Variants in TRPC6 observed in about 807,000 individuals in gnomAD.
TRPC6 encodes transient receptor potential cation channel subfamily C member 6.
In TRPC6, 55 loss-of-function variants were observed where a neutral mutation model predicts 90.7. That is an observed-to-expected ratio of 0.61 (90% CI 0.49 to 0.76). TRPC6 has a LOEUF of 0.76. Ranked by LOEUF, TRPC6 falls within the 30% of genes least tolerant of loss-of-function variation. The pLI is 0.00. For synonymous variants in TRPC6, 393 were observed against 393.0 expected (o/e 1.00, Z 0.00); for missense variants, 989 against 1,122.7 (o/e 0.88, Z 1.70).
intron 1 of TRPC6, among the ~76,000 whole-genome samples, chr11:101,555,407 A>C (rs1193139045): frequency 6.6e-6 from 1 of 152,138 alleles, no homozygotes; most frequent in Non-Finnish European, 1.5e-5. Context: ...CCTGTCTAGG[A>C]AGGGTCCTGG....
chr11:101,583,568 G>T lies in TRPC6; in HGVS notation c.-65C>A. ...GAGCCGAGTGGGCAGTTCCAGCGGG[G>T]ACCCGGTGCGGAGGGTTCGCGTCAG... On this transcript the variant is annotated 5_prime_UTR_variant, in exon 1 of 13. Transcript: ENST00000344327. 2.9e-6 allele frequency: 4 copies of T among 1,398,404 alleles called. No homozygotes were observed. Among genetic ancestry groups the T allele is most frequent in the Non-Finnish European group, 3.7e-6 (4 of 1,080,348 alleles). The allele number at this position is 1,398,404 out of a possible 1,614,324, so 86.6% of individuals were successfully genotyped here.
Position 101,458,205 on chromosome 11 carries a change from G to A in TRPC6, c.2485-3104C>T, listed in dbSNP as rs911881698. ...ATTGCTTTCACACCATCATAAAGGTGAAAAATCATGAAGTTGAACTCCGGT... is the reference window on the plus strand; with the variant it reads ...ATTGCTTTCACACCATCATAAAGGTAAAAAATCATGAAGTTGAACTCCGGT... On this transcript the variant is annotated intron_variant, in intron 10 of 12. Coordinates refer to ENST00000344327, the MANE Select transcript of TRPC6 (RefSeq NM_004621.6). Among the ~76,000 whole-genome samples, 8 of 152,146 alleles carry A rather than the reference G, an allele frequency of 5.3e-5. No individual in the cohort carries two copies. In the South Asian group the frequency reaches 1.4e-3, roughly 28 times the overall value.
At chr11:101,583,107 T>G in intron 1 of TRPC6, 1 of 940,834 alleles carries the variant, frequency 1.1e-6, no homozygotes, top group East Asian at 1.2e-4. Flanking sequence ...AACATATCCA[T>G]GCGTACCTAC....
chr11:101,515,227 T>G (rs1266482810), intron 1 of TRPC6, among the ~76,000 whole-genome samples: 1 of 152,248 alleles, frequency 6.6e-6, no homozygotes, highest in African/African-American at 2.4e-5. Flanking sequence ...ATGGCTTCTC[T>G]TCCTTTAATG....
At chr11:101,501,766 T>C (rs1476846496) in intron 2 of TRPC6, among the ~76,000 whole-genome samples, 1 of 152,204 alleles carries the variant, frequency 6.6e-6, no homozygotes, top group Non-Finnish European at 1.5e-5. Context: ...AGCCAGTAAC[T>C]GCCCTTTCTC....
Position 101,491,559 on chromosome 11 carries a change from T to C in TRPC6, c.1125A>G (p.Lys375=). 2 of 1,613,846 alleles carry C rather than the reference T, an allele frequency of 1.2e-6. No individual in the cohort carries two copies. Among genetic ancestry groups the C allele is most frequent in the Non-Finnish European group, 1.7e-6 (2 of 1,179,834 alleles). Residue 375 remains lysine (K), a synonymous_variant, in exon 3 of 13, where the codon AAA becomes AAG. Transcript: ENST00000344327. ...RLKLAIKYEV[K]KFVAHPNCQQ... is the part of the protein sequence containing the mutation. ...CGGGCTTCACGCCTGACCTTACTTT[T>C]TTTACTTCATATTTAATGGCAAGTT...
At chr11:101,577,622 T>C (rs550843618) in intron 1 of TRPC6, among the ~76,000 whole-genome samples, 115 of 152,174 alleles carry the variant, frequency 7.6e-4, no homozygotes, top group Non-Finnish European at 1.4e-3. Flanking sequence ...ACTAGATTGA[T>C]TGAGGACGGT....
rs150085854 is a variant in TRPC6, at chr11:101,547,468, A to G, written c.170+35866T>C. ...TGCCAAGAACATTTTGTAGGAATCT[A>G]TTGGCTTATTTAGAAATTCCCAAAA... On this transcript the variant is annotated intron_variant, in intron 1 of 12. Coordinates refer to ENST00000344327, the MANE Select transcript of TRPC6 (RefSeq NM_004621.6). Among the ~76,000 whole-genome samples, 287 of 152,260 alleles carry G rather than the reference A, an allele frequency of 1.9e-3. 3 individuals are homozygous for G. The highest frequency in any genetic ancestry group is 6.4e-3 in the African/African-American group (264 of 41,560).
At chr11:101,534,335 C>A (rs1860983846) in intron 1 of TRPC6, among the ~76,000 whole-genome samples, 1 of 152,062 alleles carries the variant, frequency 6.6e-6, no homozygotes, top group Non-Finnish European at 1.5e-5. Flanking sequence ...GGAGTTTCAC[C>A]ATGTTGGCCA....
chr11:101,538,164 A>G (rs911812028), intron 1 of TRPC6, among the ~76,000 whole-genome samples: 2 of 151,188 alleles, frequency 1.3e-5, no homozygotes, highest in Non-Finnish European at 3.0e-5. Flanking sequence ...TCTTGTGTGG[A>G]TTTTTGTTCT....
chr11:101,461,879 G>C (rs919031131), intron 10 of TRPC6, among the ~76,000 whole-genome samples: 52 of 152,152 alleles, frequency 3.4e-4, no homozygotes, highest in African/African-American at 1.1e-3. Flanking sequence ...CCAAGGAAGA[G>C]GAATGGGAGG....
chr11:101,576,818 A>G (rs1413688001), intron 1 of TRPC6, among the ~76,000 whole-genome samples: 2 of 152,192 alleles, frequency 1.3e-5, no homozygotes, highest in African/African-American at 2.4e-5. Context: ...AAATTATGCA[A>G]TGTCTTCCTG....
intron 3 of TRPC6, 75 bp from the exon 4 acceptor site, chr11:101,489,176 T>C (rs1383650307): frequency 7.7e-7 from 1 of 1,298,270 alleles, no homozygotes; most frequent in East Asian, 2.4e-5. Context: ...TGTGTTCTAA[T>C]AGTTCCATGC....
chr11:101,485,389 A>C (rs1859654888), intron 4 of TRPC6, among the ~76,000 whole-genome samples: 1 of 151,890 alleles, frequency 6.6e-6, no homozygotes, highest in Non-Finnish European at 1.5e-5. Flanking sequence ...GTCCTTTGCT[A>C]TTTTTCTTTT....
chr11:101,484,884 C>G lies in TRPC6; in HGVS notation c.1294-1719G>C, dbSNP rs145523393. Among the ~76,000 whole-genome samples, 811 of 151,620 alleles carry G rather than the reference C, an allele frequency of 5.3e-3. 3 individuals carry two copies. The highest frequency in any genetic ancestry group is 0.019 in the African/African-American group (772 of 41,292). ...ACATATATTTGTACATATTTATGGG[C>G]GGTATATAGTGATGTGTCAATACGT... On this transcript the variant is annotated intron_variant, in intron 4 of 12. Coordinates refer to ENST00000344327, the MANE Select transcript of TRPC6 (RefSeq NM_004621.6).
At position 101,483,169 on chromosome 11, in the gene TRPC6, C is replaced by T. The variant is rs190191809; in HGVS notation, c.1294-4G>A. 17 of 1,613,862 alleles carry T rather than the reference C, an allele frequency of 1.1e-5. No homozygotes were observed. In the Admixed American group the frequency reaches 2.8e-4, roughly 27 times the overall value. On this transcript the variant is annotated splice_region_variant and splice_polypyrimidine_tract_variant and intron_variant, in intron 4 of 12. Coordinates refer to ENST00000344327, the MANE Select transcript of TRPC6 (RefSeq NM_004621.6). ...GTCCACGCATTATCTTCCCCATCTGCCACAACACACACCAAAATAAAATCT... is the reference window on the plus strand; with the variant it reads ...GTCCACGCATTATCTTCCCCATCTGTCACAACACACACCAAAATAAAATCT...
chr11:101,516,072 C>CT (rs1278860035), intron 1 of TRPC6, among the ~76,000 whole-genome samples: 1 of 134,680 alleles, frequency 7.4e-6, no homozygotes, highest in African/African-American at 2.9e-5. Flanking sequence ...TGTTTGGGGG[C>CT]TTTTGTTTTC....
intron 2 of TRPC6, among the ~76,000 whole-genome samples, chr11:101,496,087 AG>A (rs1859942218): frequency 6.6e-6 from 1 of 152,044 alleles, no homozygotes; most frequent in South Asian, 2.1e-4. Context: ...CAGGAGAGAG[AG>A]AGAGAGAGAG....
chr11:101,473,687 C>G lies in TRPC6; in HGVS notation c.1831G>C (p.Ala611Pro). The change falls in exon 7 of 13, where the codon GCT becomes CCT. Residue 611 changes from alanine to proline, a missense_variant. Physicochemically the swap from Ala to Pro is conservative, Grantham distance 27 (BLOSUM62 -1). This residue lies in a region of TRPC6 where 118 missense variants were observed against 197.6 expected (regional missense o/e 0.60). Transcript: ENST00000344327. ...CTTTCATTTGCTGGTAAAATATAAG[C>G]TATCCTAGAGAAACTTAAAACTACA... ...IAVVLSFSRI[A>P]YILPANESFG... The G allele has an allele frequency of 6.2e-7, 1 of 1,613,716 alleles. No individual in the cohort carries two copies. Among genetic ancestry groups the G allele is most frequent in the Admixed American group, 1.7e-5 (1 of 59,980 alleles).
Sources: gnomAD v4.1 joint callset for allele counts (sites outside exome capture counted in the v4.1 genomes callset) on GRCh38, gnomAD v4.1.1 for gene constraint, gnomAD v4.1.1 regional missense constraint, MANE v1.5 for transcripts, NCBI Gene and HGNC (gene_info 2026-07-23, HGNC 2026-07-21) for gene names.